GMPR: variants seen among roughly 807,000 people sequenced by gnomAD.
The protein encoded by GMPR is guanosine monophosphate reductase, also known as GMP reductase 1.
Under a neutral mutation model 38.4 loss-of-function variants are expected in GMPR, and 31 were observed. The ratio of observed to expected loss-of-function variants is 0.81; its 90% CI spans 0.61 to 1.09. The LOEUF (loss-of-function observed/expected upper bound fraction) is 1.09. Ranked by LOEUF, GMPR falls within the 50% of genes least tolerant of loss-of-function variation. The probability of loss-of-function intolerance (pLI) is 0.00; values close to 1 mark genes in which losing one functional copy is unlikely to be tolerated. For synonymous variants in GMPR, 162 were observed against 173.3 expected, an observed-to-expected ratio of 0.93 and a Z score of 0.51; for missense variants, 468 against 453.7, an observed-to-expected ratio of 1.03 and a Z score of -0.29.
intron 4 of GMPR, chr6:16,262,395 T>G (rs1227186716): frequency 6.6e-6 from 1 of 152,026 alleles, no homozygotes; most frequent in Non-Finnish European, 1.5e-5. Context: ...GGACTCAGCT[T>G]AGGAGGAATC....
chr6:16,250,665 T>C (rs950723780), intron 3 of GMPR, among the ~76,000 whole-genome samples: 1 of 152,196 alleles, frequency 6.6e-6, no homozygotes, highest in Non-Finnish European at 1.5e-5. Flanking sequence ...TCCAGTCTTT[T>C]GGCTGTAGAA....
chr6:16,283,817 T>G (rs1759620733), intron 6 of GMPR, among the ~76,000 whole-genome samples: 1 of 152,224 alleles, frequency 6.6e-6, no homozygotes. Context: ...CTTATTTTAA[T>G]GGGAGCATGA....
chr6:16,288,354 C>T (rs1332377409), intron 7 of GMPR, among the ~76,000 whole-genome samples: 2 of 152,256 alleles, frequency 1.3e-5, no homozygotes, highest in African/African-American at 2.4e-5. Context: ...TCGGAGCGGC[C>T]GGCTGGCCCT....
chr6:16,246,611 G>A (rs1758759947), intron 1 of GMPR, among the ~76,000 whole-genome samples: 1 of 152,176 alleles, frequency 6.6e-6, no homozygotes, highest in Non-Finnish European at 1.5e-5. Flanking sequence ...GAAGGAGGCA[G>A]TGGGGTTGGA....
At chr6:16,290,417 C>A in intron 7 of GMPR, 45 bp from the exon 8 acceptor site, 1 of 1,578,984 alleles carries the variant, frequency 6.3e-7, no homozygotes, top group Non-Finnish European at 8.7e-7. Flanking sequence ...TTCCCCTGAG[C>A]TGTTTTCTCT....
At chr6:16,244,210 CT>C (rs760576826) in intron 1 of GMPR, among the ~76,000 whole-genome samples, 2,192 of 118,708 alleles carry the variant, frequency 0.018, 11 homozygotes, top group Middle Eastern at 0.029. Context: ...TCTATTTGTA[CT>C]TTTTTTTTTT....
At chr6:16,288,647 G>A (rs1388245131) in intron 7 of GMPR, among the ~76,000 whole-genome samples, 2 of 152,252 alleles carry the variant, frequency 1.3e-5, no homozygotes, top group African/African-American at 2.4e-5. Context: ...TGCAGGCGCA[G>A]GGCGTGGGAC....
At chr6:16,269,814 T>C (rs1759346356) in intron 4 of GMPR, among the ~76,000 whole-genome samples, 1 of 152,094 alleles carries the variant, frequency 6.6e-6, no homozygotes, top group Non-Finnish European at 1.5e-5. Flanking sequence ...AATAAATAAA[T>C]AATACAAATC....
At chr6:16,253,245 T>C (rs746709248) in intron 3 of GMPR, among the ~76,000 whole-genome samples, 3 of 152,236 alleles carry the variant, frequency 2.0e-5, no homozygotes, top group Non-Finnish European at 4.4e-5. Context: ...ATCCCTTTAA[T>C]AGGAAAACAG....
chr6:16,281,193 C>T (rs1759565299), intron 6 of GMPR, among the ~76,000 whole-genome samples: 2 of 152,204 alleles, frequency 1.3e-5, no homozygotes, highest in Admixed American at 1.3e-4. Context: ...ACGTGACCTA[C>T]AGAATCAGAA....
intron 1 of GMPR, among the ~76,000 whole-genome samples, chr6:16,241,858 C>T (rs1370905020): frequency 6.6e-6 from 1 of 152,106 alleles, no homozygotes; most frequent in African/African-American, 2.4e-5. Flanking sequence ...TCTCCTTCCT[C>T]AGGCTCCCGA....
intron 4 of GMPR, among the ~76,000 whole-genome samples, chr6:16,266,808 AAAG>A (rs769402840): frequency 2.2e-4 from 33 of 149,482 alleles, no homozygotes; most frequent in Middle Eastern, 3.7e-3. Context: ...ACAAACAAAA[AAAG>A]AGCTGTAACA....
intron 6 of GMPR, among the ~76,000 whole-genome samples, chr6:16,282,956 A>G (rs1356004654): frequency 6.6e-6 from 1 of 151,610 alleles, no homozygotes; most frequent in Non-Finnish European, 1.5e-5. Context: ...TTATAGGCAT[A>G]CGCCACCACA....
chr6:16,279,008 A>G (rs1467607014), intron 6 of GMPR, 118 bp downstream of exon 6: 3 of 644,526 alleles, frequency 4.7e-6, no homozygotes, highest in Non-Finnish European at 8.2e-6. Context: ...CACTGCGGTC[A>G]CAGCGCTGAC....
At chr6:16,265,197 C>A (rs1355142331) in intron 4 of GMPR, among the ~76,000 whole-genome samples, 1 of 152,236 alleles carries the variant, frequency 6.6e-6, no homozygotes, top group East Asian at 1.9e-4. Flanking sequence ...AAGTAGTCCT[C>A]CTACCTCTGC....
At chr6:16,261,827 T>C (rs1297275604) in intron 4 of GMPR, among the ~76,000 whole-genome samples, 3 of 151,720 alleles carry the variant, frequency 2.0e-5, no homozygotes, top group Admixed American at 6.6e-5. Flanking sequence ...AGGTATCTTA[T>C]ATTTGTGGGT....
chr6:16,288,695 A>G lies in GMPR; in HGVS notation c.698-1767A>G, dbSNP rs537416866. On this transcript the variant is annotated intron_variant, in intron 7 of 8. Transcript: ENST00000259727. Reference sequence around the variant, plus strand: ...CCATCTGCAGCCCCAGTGCGGATCCACTGGATGAAGCCAGCTGGGCTCCTC... The same window carrying G: ...CCATCTGCAGCCCCAGTGCGGATCCGCTGGATGAAGCCAGCTGGGCTCCTC... Among the ~76,000 whole-genome samples, 9 of 152,300 alleles carry G rather than the reference A, an allele frequency of 5.9e-5. No homozygotes were observed. In the South Asian group the frequency reaches 1.9e-3, roughly 32 times the overall value.
chr6:16,287,579 C>A (rs552926739), intron 7 of GMPR, among the ~76,000 whole-genome samples: 1 of 152,328 alleles, frequency 6.6e-6, no homozygotes, highest in East Asian at 1.9e-4. Flanking sequence ...GGAACCCCCT[C>A]AAAGCATTCT....
In GMPR at chr6:16,245,741, C is replaced by T. The variant is rs554368179; in HGVS notation, c.88-1101C>T. Among the ~76,000 whole-genome samples the T allele has an allele frequency of 6.6e-5, 10 of 152,294 alleles. No individual in the cohort carries two copies. The South Asian group carries it at 2.1e-3, about 32-fold the overall frequency. On this transcript the variant is annotated intron_variant, in intron 1 of 8. Coordinates refer to ENST00000259727, the MANE Select transcript of GMPR (RefSeq NM_006877.4). ...AGCAACAGCGAGAAGCCACCCCTTC[C>T]TTAGGGTGAGGGTCGGAGGGAGAAG...
Sources: gnomAD v4.1 joint callset for allele counts (sites outside exome capture counted in the v4.1 genomes callset) on GRCh38, gnomAD v4.1.1 for gene constraint, MANE v1.5 for transcripts, NCBI Gene and HGNC (gene_info 2026-07-23, HGNC 2026-07-21) for gene names.